SECISBP2: variants seen among roughly 807,000 people sequenced by gnomAD.
SECISBP2 encodes the protein selenocysteine insertion sequence-binding protein 2.
A neutral mutation model predicts 98.2 loss-of-function variants in SECISBP2; 96 were observed. The ratio of observed to expected loss-of-function variants is 0.98; its 90% CI spans 0.83 to 1.16. SECISBP2 has a LOEUF of 1.16. Ranked by LOEUF, SECISBP2 falls within the 50% of genes most tolerant of loss-of-function variation. The probability of loss-of-function intolerance (pLI) is 0.00; values close to 1 mark genes in which losing one functional copy is unlikely to be tolerated. For synonymous variants in SECISBP2, 407 were observed against 370.2 expected (o/e 1.10, Z -1.14); for missense variants, 1,046 against 1,022.9 (o/e 1.02, Z -0.31).
chr9:89,358,011 A>G lies in SECISBP2; in HGVS notation c.2281A>G (p.Lys761Glu), dbSNP rs757081568. The G allele has an allele frequency of 4.3e-6, 7 of 1,613,116 alleles. No homozygotes were observed. The highest frequency in any genetic ancestry group is 5.9e-6 in the Non-Finnish European group (7 of 1,179,994). Residue 761 changes from lysine (K) to glutamate (E), a missense_variant, in exon 16 of 17, where the codon AAG becomes GAG. Physicochemically the swap from Lys to Glu is moderately conservative, Grantham distance 56 (BLOSUM62 1). Transcript: ENST00000375807. ...SYDGAQDQFH[K>E]MVELTVAARQ... Reference sequence around the variant, plus strand: ...ACTTGTGCCCAAGGATCAGTTCCACAAGATGGTTGAGCTGACAGTGGCGGC... The same window carrying G: ...ACTTGTGCCCAAGGATCAGTTCCACGAGATGGTTGAGCTGACAGTGGCGGC...
intron 14 of SECISBP2, chr9:89,354,752 G>GT (rs1199901582): frequency 3.0e-6 from 3 of 985,244 alleles, no homozygotes; most frequent in Non-Finnish European, 3.6e-6. Context: ...GCTCTGTTAG[G>GT]TTGTTTCTGC....
At position 89,325,615 on chromosome 9, in the gene SECISBP2, CAG is replaced by C; in HGVS notation, c.372_373del (p.Val125GlufsTer5). 1 of 1,614,128 alleles carries C rather than the reference CAG, an allele frequency of 6.2e-7. No individual in the cohort carries two copies. Among genetic ancestry groups the C allele is most frequent in the Non-Finnish European group, 8.5e-7 (1 of 1,180,014 alleles). ...CCCAGTTGTTACCGAGGTTTTCAAA[CAG>C]TGAAGCATCGAAATGAGAACACATG... On this transcript the variant is annotated frameshift_variant, in exon 3 of 17. Transcript: ENST00000375807. LOFTEE classifies it high-confidence loss of function.
Position 89,350,693 on chromosome 9 carries a change from C to T in SECISBP2, c.1954C>T (p.Leu652=), listed in dbSNP as rs749913657. The T allele has an allele frequency of 4.3e-6, 7 of 1,614,088 alleles. No individual in the cohort carries two copies. The highest frequency in any genetic ancestry group is 2.2e-5 in the East Asian group (1 of 44,884). The stretch of plus-strand genomic sequence containing the variant: ...TTGTGTTACCGACCTACTCAAAGAA[C>T]TGGTCCGTTTCCAAGACCGTATGTA... ...DACVTDLLKE[L]VRFQDRMYQK... is the part of the protein sequence containing the mutation. The change falls in exon 14 of 17, where the codon CTG becomes TTG. Residue 652 remains leucine, a synonymous_variant. Coordinates refer to ENST00000375807, the MANE Select transcript of SECISBP2 (RefSeq NM_024077.5).
At chr9:89,336,200 T>A (rs1458360885) in intron 7 of SECISBP2, among the ~76,000 whole-genome samples, 5 of 144,076 alleles carry the variant, frequency 3.5e-5, no homozygotes, top group Non-Finnish European at 6.0e-5. Context: ...CACATCCAAC[T>A]AGTATTTGTA....
At chr9:89,337,074 C>T (rs980121496) in intron 7 of SECISBP2, among the ~76,000 whole-genome samples, 1 of 152,120 alleles carries the variant, frequency 6.6e-6, no homozygotes, top group Non-Finnish European at 1.5e-5. Flanking sequence ...GCACCTGGCC[C>T]CCCACTGTCT....
rs745725066 is a variant in SECISBP2, at chr9:89,325,998, A to G, written c.534A>G (p.Ser178=). 1.1e-5 allele frequency: 17 copies of G among 1,613,920 alleles called. No individual in the cohort carries two copies. The Admixed American group carries it at 2.8e-4, about 27-fold the overall frequency. Residue 178 remains serine (S), a synonymous_variant, in exon 4 of 17, where the codon TCA becomes TCG. Coordinates refer to ENST00000375807, the MANE Select transcript of SECISBP2 (RefSeq NM_024077.5). ...CTGAGATAAAATCAGCTAGAGGTTC[A>G]CATCATTTGTCCATTTACGCTGAGA... The part of the protein sequence containing the change: ...ISSEIKSARG[S]HHLSIYAENS...
Position 89,357,556 on chromosome 9 carries a change from T to C in SECISBP2, c.2259T>C (p.Asp753=), listed in dbSNP as rs1052494276. The change falls in exon 15 of 17, where the codon GAT becomes GAC. Residue 753 remains aspartate (D), a synonymous_variant. Coordinates refer to ENST00000375807, the MANE Select transcript of SECISBP2 (RefSeq NM_024077.5). The part of the protein sequence containing the change: ...PVSVVGIFSY[D]GAQDQFHKMV... The stretch of plus-strand genomic sequence containing the variant: ...GTGTGGTGGGGATCTTCAGCTATGA[T>C]GGGGCCCAGGTGAGTGCACAGGGCA... 6.2e-7 allele frequency: 1 copy of C among 1,613,670 alleles called. No homozygotes were observed. Among genetic ancestry groups the C allele is most frequent in the Non-Finnish European group, 8.5e-7 (1 of 1,179,976 alleles).
rs1827172766 is a variant in SECISBP2, at chr9:89,328,567, G to A, written c.575-93G>A. 4 of 898,212 alleles carry A rather than the reference G, an allele frequency of 4.5e-6. No homozygotes were observed. In the Admixed American group the frequency reaches 7.5e-5, roughly 17 times the overall value. 55.6% of individuals were successfully genotyped at this position (898,212 alleles called of 1,614,324 possible). A position where few individuals can be genotyped will look rare whatever the true frequency, so the allele number is the denominator to read the frequency against. On this transcript the variant is annotated intron_variant, in intron 4 of 16. Transcript: ENST00000375807. ...TTGACAACAACCTGTTGCATCAATA[G>A]CAATAGTCTTTGTACTCTGCAATTT...
intron 2 of SECISBP2, chr9:89,324,178 A>G (rs918033116): frequency 3.3e-5 from 5 of 152,242 alleles, no homozygotes; most frequent in African/African-American, 1.2e-4. Flanking sequence ...AATACAGCAC[A>G]GAATTCACAG....
intron 5 of SECISBP2, chr9:89,330,387 G>A (rs892142550): frequency 3.3e-5 from 5 of 152,324 alleles, no homozygotes; most frequent in East Asian, 1.9e-4. Flanking sequence ...ATGAATTTCC[G>A]CTGAAGGAGC....
At chr9:89,363,693 GA>G (rs1453966476), downstream of SECISBP2, 3 of 1,597,576 alleles carry the variant, frequency 1.9e-6, no homozygotes, top group African/African-American at 4.0e-5. Flanking sequence ...TGTAAATAGT[GA>G]AAAATTACCT....
At chr9:89,355,517 T>C (rs2132060250) in intron 14 of SECISBP2, 1 of 970,012 alleles carries the variant, frequency 1.0e-6, no homozygotes, top group South Asian at 4.8e-5. Flanking sequence ...TTAGATTGAT[T>C]TGTACCTTTT....
chr9:89,330,854 G>A (rs1204180668), intron 5 of SECISBP2, among the ~76,000 whole-genome samples: 3 of 152,194 alleles, frequency 2.0e-5, no homozygotes, highest in East Asian at 1.9e-4. Flanking sequence ...GGGTCAGCTC[G>A]TGGAGTGAGC....
At chr9:89,364,649 G>A (rs1422763009), downstream of SECISBP2, 2 of 155,448 alleles carry the variant, frequency 1.3e-5, no homozygotes, top group African/African-American at 4.8e-5. Context: ...TTTTCTCTGG[G>A]CTTTTGATCT....
chr9:89,319,097 A>G (rs1020550907), intron 1 of SECISBP2: 16 of 959,540 alleles, frequency 1.7e-5, no homozygotes, highest in Admixed American at 5.5e-5. Context: ...ACTAAAAACT[A>G]AAGAAAGAAA....
chr9:89,339,735 T>A, intron 8 of SECISBP2, 129 bp from the exon 9 acceptor site: 1 of 718,602 alleles, frequency 1.4e-6, no homozygotes, highest in Non-Finnish European at 2.5e-6. Flanking sequence ...TATGTGAGAG[T>A]TTCGCGGCTT....
At chr9:89,363,981 T>A, downstream of SECISBP2, 1 of 1,613,834 alleles carries the variant, frequency 6.2e-7, no homozygotes, top group Non-Finnish European at 8.5e-7. Flanking sequence ...CACCTCTGAG[T>A]CCACATTTAG....
intron 6 of SECISBP2, among the ~76,000 whole-genome samples, chr9:89,333,439 C>T (rs1347346718): frequency 1.3e-5 from 2 of 152,136 alleles, no homozygotes; most frequent in South Asian, 2.1e-4. Flanking sequence ...TTAGGAAAAC[C>T]GTTTTTCAAA....
At position 89,358,837 on chromosome 9, in the gene SECISBP2, G is replaced by A. The variant is rs370933295; in HGVS notation, c.*13G>A. On this transcript the variant is annotated 3_prime_UTR_variant, in exon 17 of 17. Coordinates refer to ENST00000375807, the MANE Select transcript of SECISBP2 (RefSeq NM_024077.5). ...TTTGAATTTATGAGAGTTCTTGCCT[G>A]TGTGTCTGTATTTTGGGTAAGGAGG... The A allele has an allele frequency of 1.6e-5, 25 of 1,569,044 alleles. No homozygotes were observed. In the Middle Eastern group the frequency reaches 1.0e-3, roughly 63 times the overall value.
Sources: allele counts gnomAD v4.1 joint callset (sites outside exome capture counted in the v4.1 genomes callset), GRCh38; gene constraint gnomAD v4.1.1; transcripts MANE v1.5; gene names NCBI Gene and HGNC (gene_info 2026-07-23, HGNC 2026-07-21).